The following KCNT2 variants were observed in gnomAD, a reference collection of about 807,000 sequenced individuals.
The protein encoded by KCNT2 is potassium channel subfamily T member 2.
In KCNT2, 67 loss-of-function variants were observed where a neutral mutation model predicts 153.8. The observed-to-expected ratio is 0.44, with a 90% CI of 0.36 to 0.53. The LOEUF is 0.53. Ranked by LOEUF, KCNT2 falls within the 20% of genes least tolerant of loss-of-function variation. The pLI, the probability that KCNT2 is intolerant of heterozygous loss-of-function variation, is 0.00. For synonymous variants in KCNT2, 500 were observed against 458.8 expected (o/e 1.09, Z -1.15); for missense variants, 975 against 1,354.8 (o/e 0.72, Z 4.40).
In KCNT2 at chr1:196,331,146, A is replaced by C; in HGVS notation, c.2103+10T>G. The C allele has an allele frequency of 6.9e-7, 1 of 1,439,858 alleles. No individual in the cohort carries two copies. Among genetic ancestry groups the C allele is most frequent in the Non-Finnish European group, 9.8e-7 (1 of 1,024,984 alleles). 89.2% of individuals were successfully genotyped at this position (1,439,858 alleles called of 1,614,324 possible). ...ATTTTGTAAACAAAAAAGCATCAAC[A>C]AGTACTTACCTTGTCTAATCTTAAG... is the stretch of plus-strand genomic sequence containing the variant. On this transcript the variant is annotated intron_variant, in intron 18 of 27. Transcript: ENST00000294725.
intron 11 of KCNT2, 33 bp downstream of exon 11, chr1:196,425,819 G>T (rs1401307566): frequency 1.0e-5 from 16 of 1,607,022 alleles, no homozygotes; most frequent in Non-Finnish European, 1.4e-5. Context: ...ACTCAAAACT[G>T]TAAGCTGCAA....
intron 25 of KCNT2, among the ~76,000 whole-genome samples, chr1:196,271,731 G>A (rs1658081411): frequency 6.6e-6 from 1 of 151,970 alleles, no homozygotes; most frequent in Non-Finnish European, 1.5e-5. Flanking sequence ...TTATGTCTGC[G>A]AGTGTGTGTT....
At chr1:196,526,516 C>T (rs1654233833) in intron 1 of KCNT2, among the ~76,000 whole-genome samples, 1 of 151,474 alleles carries the variant, frequency 6.6e-6, no homozygotes, top group Non-Finnish European at 1.5e-5. Flanking sequence ...TGCAGTGGCA[C>T]GATCTCGGCT....
intron 1 of KCNT2, among the ~76,000 whole-genome samples, chr1:196,550,872 G>C (rs1272294220): frequency 2.0e-5 from 3 of 151,806 alleles, no homozygotes; most frequent in East Asian, 1.9e-4. Context: ...TGGATCCCAT[G>C]GAAAATTTAA....
At chr1:196,231,261 A>G (rs537302391) in intron 27 of KCNT2, among the ~76,000 whole-genome samples, 14 of 152,022 alleles carry the variant, frequency 9.2e-5, no homozygotes, top group Admixed American at 3.3e-4. Flanking sequence ...TATAATGCAA[A>G]CATAAATTTT....
Position 196,428,173 on chromosome 1 carries a change from C to A in KCNT2, c.916G>T (p.Val306Phe). 1 of 1,612,298 alleles carries A rather than the reference C, an allele frequency of 6.2e-7. No homozygotes were observed. The highest frequency in any genetic ancestry group is 8.5e-7 in the Non-Finnish European group (1 of 1,178,700). The change falls in exon 10 of 28, where the codon GTC becomes TTC. Residue 306 changes from valine (V) to phenylalanine (F), a missense_variant. By Grantham distance (50) the Val-to-Phe change is conservative. Transcript: ENST00000294725. ...AQTEKHVVLCVSSLKIDLLMD... is the reference protein window; with the variant it reads ...AQTEKHVVLCFSSLKIDLLMD... ...AGTAAATCAATCTTCAGTGAGCTGACACACAGGACGACATGCTTTTCAGTT... is the reference window on the plus strand; with the variant it reads ...AGTAAATCAATCTTCAGTGAGCTGAAACACAGGACGACATGCTTTTCAGTT...
intron 8 of KCNT2, among the ~76,000 whole-genome samples, chr1:196,459,711 A>T (rs895484285): frequency 6.6e-6 from 1 of 151,874 alleles, no homozygotes; most frequent in East Asian, 1.9e-4. Context: ...ACAAAATTAG[A>T]ATCTGAATGC....
chr1:196,321,025 T>C (rs73065825), intron 19 of KCNT2, among the ~76,000 whole-genome samples: 20,514 of 150,952 alleles, frequency 0.14, 2,393 homozygotes, highest in African/African-American at 0.32. Flanking sequence ...TCCCAAAACA[T>C]TTATGGAAGG....
At chr1:196,363,043 G>A (rs1667759991) in intron 14 of KCNT2, among the ~76,000 whole-genome samples, 1 of 151,990 alleles carries the variant, frequency 6.6e-6, no homozygotes, top group African/African-American at 2.4e-5. Context: ...ACTCATTGAG[G>A]AGTCACAATT....
chr1:196,425,761 C>T, intron 11 of KCNT2, 91 bp downstream of exon 11: 1 of 1,328,340 alleles, frequency 7.5e-7, no homozygotes, highest in Non-Finnish European at 1.1e-6. Flanking sequence ...ACACATCTTG[C>T]AACACTGAAA....
At chr1:196,567,883 G>T (rs548117458) in intron 1 of KCNT2, among the ~76,000 whole-genome samples, 1 of 152,294 alleles carries the variant, frequency 6.6e-6, no homozygotes, top group East Asian at 1.9e-4. Flanking sequence ...TTGCCTTCAG[G>T]ATAACACTCT....
At chr1:196,294,783 A>C (rs1217579770) in intron 22 of KCNT2, among the ~76,000 whole-genome samples, 2 of 151,456 alleles carry the variant, frequency 1.3e-5, no homozygotes, top group Non-Finnish European at 2.9e-5. Context: ...TAACGGATAA[A>C]GAAAATATGA....
At chr1:196,594,564 C>T (rs1189996662) in intron 1 of KCNT2, among the ~76,000 whole-genome samples, 3 of 151,924 alleles carry the variant, frequency 2.0e-5, no homozygotes, top group East Asian at 1.9e-4. Context: ...GGATCCAAAA[C>T]GAATTAAAGA....
chr1:196,454,575 A>G (rs1320737583), intron 8 of KCNT2, among the ~76,000 whole-genome samples: 2 of 151,818 alleles, frequency 1.3e-5, no homozygotes, highest in South Asian at 2.1e-4. Context: ...TATCTGTACC[A>G]TATTTTCTTT....
At chr1:196,466,575 C>T (rs369587724) in intron 7 of KCNT2, among the ~76,000 whole-genome samples, 6 of 152,018 alleles carry the variant, frequency 3.9e-5, no homozygotes, top group African/African-American at 1.2e-4. Flanking sequence ...TAATATTGAG[C>T]CCTTACTTTG....
intron 22 of KCNT2, among the ~76,000 whole-genome samples, chr1:196,286,720 G>A (rs570907878): frequency 5.7e-4 from 87 of 151,918 alleles, no homozygotes; most frequent in Admixed American, 2.6e-3. Context: ...GTGTATGAGG[G>A]TTTCTTTTTA....
intron 8 of KCNT2, among the ~76,000 whole-genome samples, chr1:196,453,401 G>C (rs1364377154): frequency 2.0e-5 from 3 of 151,894 alleles, no homozygotes; most frequent in Non-Finnish European, 4.4e-5. Flanking sequence ...GCAGCGCCAT[G>C]ATACTGACAA....
At chr1:196,528,452 G>A (rs911429708) in intron 1 of KCNT2, among the ~76,000 whole-genome samples, 8 of 152,022 alleles carry the variant, frequency 5.3e-5, no homozygotes, top group Admixed American at 1.3e-4. Flanking sequence ...AGAATTGTTC[G>A]AGCTAGAATC....
chr1:196,368,889 T>A (rs550570731), intron 14 of KCNT2, among the ~76,000 whole-genome samples: 56 of 152,098 alleles, frequency 3.7e-4, no homozygotes, highest in Non-Finnish European at 6.6e-4. Context: ...ATACATCCAA[T>A]ATCAAACCAC....
Sources: allele counts gnomAD v4.1 joint callset (sites outside exome capture counted in the v4.1 genomes callset), GRCh38; gene constraint gnomAD v4.1.1; transcripts MANE v1.5; gene names NCBI Gene and HGNC (gene_info 2026-07-23, HGNC 2026-07-21).